Variants in SEPTIN12 observed in about 807,000 individuals in gnomAD.
SEPTIN12 encodes septin-12.
In SEPTIN12, 42 loss-of-function variants were observed where a neutral mutation model predicts 37.7. The ratio of observed to expected loss-of-function variants is 1.11; its 90% CI spans 0.87 to 1.44. The LOEUF (loss-of-function observed/expected upper bound fraction) is 1.44. SEPTIN12 is among the 40% of genes most tolerant of loss of function. The probability of loss-of-function intolerance (pLI) is 0.00; values close to 1 mark genes in which losing one functional copy is unlikely to be tolerated. For synonymous variants in SEPTIN12, 254 were observed against 196.7 expected (o/e 1.29, Z -2.44); for missense variants, 613 against 479.2 (o/e 1.28, Z -2.61).
intron 8 of SEPTIN12, among the ~76,000 whole-genome samples, chr16:4,778,665 G>A (rs1308823017): frequency 1.3e-5 from 2 of 151,966 alleles, no homozygotes; most frequent in Non-Finnish European, 2.9e-5. Context: ...GCCGGGTGTG[G>A]TGGTATAATC....
chr16:4,791,338 G>A (rs1440117946), upstream of SEPTIN12, among the ~76,000 whole-genome samples: 1 of 152,186 alleles, frequency 6.6e-6, no homozygotes, highest in Non-Finnish European at 1.5e-5. Flanking sequence ...GGTGGAAGAG[G>A]ACAAAAGCCT....
upstream of SEPTIN12, among the ~76,000 whole-genome samples, chr16:4,789,451 G>A (rs1325110543): frequency 6.6e-6 from 1 of 150,918 alleles, no homozygotes; most frequent in Non-Finnish European, 1.5e-5. Context: ...TCAGCCTCCC[G>A]AGTAGCTGGG....
At chr16:4,784,339 G>A (rs1011536137) in intron 4 of SEPTIN12, 3 of 458,776 alleles carry the variant, frequency 6.5e-6, no homozygotes, top group African/African-American at 3.9e-5. Flanking sequence ...AGCATTAACT[G>A]TATTAAAGGG....
chr16:4,781,681 C>T (rs1470685334), intron 7 of SEPTIN12, among the ~76,000 whole-genome samples: 1 of 151,046 alleles, frequency 6.6e-6, no homozygotes, highest in Non-Finnish European at 1.5e-5. Context: ...GTCTCACTCC[C>T]TTGCCCAGGC....
At chr16:4,789,174 C>T (rs1439441351), upstream of SEPTIN12, among the ~76,000 whole-genome samples, 1 of 151,930 alleles carries the variant, frequency 6.6e-6, no homozygotes, top group African/African-American at 2.4e-5. Context: ...TGCACCACCA[C>T]GCTAATTTTG....
chr16:4,777,733 A>G lies in SEPTIN12; in HGVS notation c.*64T>C, dbSNP rs1222582884. On this transcript the variant is annotated 3_prime_UTR_variant, in exon 10 of 10. Coordinates refer to ENST00000268231, the MANE Select transcript of SEPTIN12 (RefSeq NM_144605.5). The stretch of plus-strand genomic sequence containing the variant: ...TCACATTTAATAGATGCTCTGGTAC[A>G]TAGGTGTGTGTTGAGAGCCGCTGGG... 8 of 1,137,944 alleles carry G rather than the reference A, an allele frequency of 7.0e-6. No homozygotes were observed. The East Asian group carries it at 7.7e-5, about 11-fold the overall frequency. The allele number at this position is 1,137,944 out of a possible 1,614,324, so 70.5% of individuals were successfully genotyped here.
At chr16:4,781,284 T>TAA (rs137915190) in intron 7 of SEPTIN12, among the ~76,000 whole-genome samples, 69 of 148,632 alleles carry the variant, frequency 4.6e-4, no homozygotes, top group African/African-American at 1.7e-3. Flanking sequence ...CCCTATCTCA[T>TAA]AAAAAAAACA....
chr16:4,783,513 C>T lies in SEPTIN12; in HGVS notation c.675G>A (p.Gln225=). 6.2e-7 allele frequency: 1 copy of T among 1,614,196 alleles called. No individual in the cohort carries two copies. The highest frequency in any genetic ancestry group is 8.5e-7 in the Non-Finnish European group (1 of 1,180,036). ...CATTGATGTCCTCGTCAAAGCACAT[C>T]TGGGGGTAGACGTCGATGCAGTGGG... ...LRTHCIDVYP[Q]MCFDEDINDK... is the part of the protein sequence containing the mutation. Residue 225 remains glutamine (Q), a synonymous_variant, in exon 7 of 10, where the codon CAG becomes CAA. Coordinates refer to ENST00000268231, the MANE Select transcript of SEPTIN12 (RefSeq NM_144605.5).
At position 4,786,030 on chromosome 16, in the gene SEPTIN12, C is replaced by G; in HGVS notation, c.242G>C (p.Gly81Ala). The change falls in exon 3 of 10, where the codon GGC becomes GCC. Residue 81 changes from glycine (G) to alanine (A), a missense_variant. By Grantham distance (60) the Gly-to-Ala change is moderately conservative (BLOSUM62 0). Coordinates refer to ENST00000268231, the MANE Select transcript of SEPTIN12 (RefSeq NM_144605.5). ...CGTCTGGGGTGTGGGCACCCCCAAG[C>G]CCGGTGGGTTTGACTTCCACACTTT... The part of the protein sequence containing the change: ...KSKVWKSNPP[G>A]LGVPTPQTLQ... The G allele has an allele frequency of 6.2e-7, 1 of 1,613,936 alleles. No individual in the cohort carries two copies. Among genetic ancestry groups the G allele is most frequent in the Non-Finnish European group, 8.5e-7 (1 of 1,179,942 alleles).
intron 7 of SEPTIN12, among the ~76,000 whole-genome samples, chr16:4,782,811 G>A (rs1401534986): frequency 6.6e-6 from 1 of 151,860 alleles, no homozygotes; most frequent in African/African-American, 2.4e-5. Context: ...CGTCATGTTG[G>A]CCAGGCTGGT....
At chr16:4,786,857 A>T (rs922519976) in intron 2 of SEPTIN12, among the ~76,000 whole-genome samples, 1 of 151,618 alleles carries the variant, frequency 6.6e-6, no homozygotes, top group Non-Finnish European at 1.5e-5. Context: ...TGTGTTGCCT[A>T]GGCTGGTCAT....
chr16:4,785,557 T>C (rs2082427830), intron 4 of SEPTIN12, among the ~76,000 whole-genome samples: 1 of 151,664 alleles, frequency 6.6e-6, no homozygotes, highest in Non-Finnish European at 1.5e-5. Context: ...GTGGATCATC[T>C]GAGGTCAGGA....
intron 1 of SEPTIN12, 29 bp from the exon 2 acceptor site, chr16:4,787,696 G>C (rs1567575038): frequency 1.0e-6 from 1 of 971,844 alleles, no homozygotes; most frequent in Non-Finnish European, 1.6e-6. Context: ...GGAGAAGGGG[G>C]TCACTGGGGC....
intron 1 of SEPTIN12, 76 bp from the exon 2 acceptor site, chr16:4,787,743 C>T: frequency 3.1e-6 from 2 of 651,896 alleles, no homozygotes; most frequent in Non-Finnish European, 5.3e-6. Flanking sequence ...TATCTGAACC[C>T]CTATTTGAGC....
intron 4 of SEPTIN12, chr16:4,784,303 C>T: frequency 7.4e-6 from 4 of 541,404 alleles, no homozygotes; most frequent in Admixed American, 3.1e-5. Context: ...AATAGTAGCA[C>T]CTACGTTGCA....
At chr16:4,783,615 G>T (rs370061646) in intron 6 of SEPTIN12, 34 bp downstream of exon 6, 3 of 1,611,024 alleles carry the variant, frequency 1.9e-6, no homozygotes, top group Non-Finnish European at 8.5e-7. Flanking sequence ...CTCTGCCCCC[G>T]CTGACCCCAG....
chr16:4,784,279 T>C, intron 4 of SEPTIN12: 1 of 578,450 alleles, frequency 1.7e-6, no homozygotes, highest in Non-Finnish European at 3.1e-6. Context: ...CTTCACTGTC[T>C]GTAAAATGGA....
At chr16:4,787,399 G>A (rs1157476248) in intron 2 of SEPTIN12, 81 bp downstream of exon 2, 3 of 1,295,836 alleles carry the variant, frequency 2.3e-6, no homozygotes, top group Non-Finnish European at 3.3e-6. Flanking sequence ...AGGGGCGACA[G>A]GCTGCCAAAG....
intron 4 of SEPTIN12, 137 bp from the exon 5 acceptor site, chr16:4,784,205 C>T (rs1037259443): frequency 2.0e-5 from 18 of 888,452 alleles, no homozygotes; most frequent in Admixed American, 1.3e-4. Flanking sequence ...TGGGTCACCC[C>T]GGTACTTTCC....
Sources: gnomAD v4.1 joint callset for allele counts (sites outside exome capture counted in the v4.1 genomes callset) on GRCh38, gnomAD v4.1.1 for gene constraint, MANE v1.5 for transcripts, NCBI Gene and HGNC (gene_info 2026-07-23, HGNC 2026-07-21) for gene names.